The following CEP295 variants were observed in gnomAD, a reference collection of about 807,000 sequenced individuals.
CEP295 encodes centrosomal protein 295.
In CEP295, 190 loss-of-function variants were observed where a neutral mutation model predicts 291.6. The ratio of observed to expected loss-of-function variants is 0.65; its 90% CI spans 0.58 to 0.73. CEP295 has a LOEUF of 0.73. Ranked by LOEUF, CEP295 falls within the 30% of genes least tolerant of loss-of-function variation. CEP295 has a pLI of 0.00. For missense variants in CEP295, 2,863 were observed against 2,949.4 expected (o/e 0.97, Z 0.68); for synonymous variants, 993 against 1,038.8 (o/e 0.96, Z 0.85).
intron 15 of CEP295, among the ~76,000 whole-genome samples, chr11:93,701,636 G>C (rs1952165500): frequency 6.6e-6 from 1 of 152,068 alleles, no homozygotes; most frequent in Non-Finnish European, 1.5e-5. Flanking sequence ...ACGGAGTCTT[G>C]CTCTGTCACC....
At chr11:93,685,367 C>G (rs1951175382) in intron 9 of CEP295, among the ~76,000 whole-genome samples, 1 of 151,792 alleles carries the variant, frequency 6.6e-6, no homozygotes, top group East Asian at 1.9e-4. Flanking sequence ...TTAAAACCAC[C>G]CAGGCTTTCT....
intron 23 of CEP295, 131 bp from the exon 24 acceptor site, chr11:93,726,845 T>C (rs957004948): frequency 9.2e-6 from 6 of 653,574 alleles, no homozygotes; most frequent in Middle Eastern, 2.8e-4. Flanking sequence ...TATTCATGTT[T>C]ATACACATCA....
At chr11:93,692,788 C>G (rs1239856561) in intron 12 of CEP295, among the ~76,000 whole-genome samples, 5 of 151,324 alleles carry the variant, frequency 3.3e-5, no homozygotes, top group Admixed American at 3.3e-4. Context: ...ACCTGGCCAA[C>G]CTGGTGAAAC....
intron 11 of CEP295, 53 bp downstream of exon 11, chr11:93,691,828 T>G (rs1163422109): frequency 7.5e-7 from 1 of 1,333,706 alleles, no homozygotes; most frequent in African/African-American, 1.5e-5. Flanking sequence ...GCATCTTTTT[T>G]TTAAATAAAA....
chr11:93,705,750 G>A (rs557516667), intron 17 of CEP295, among the ~76,000 whole-genome samples: 2 of 151,924 alleles, frequency 1.3e-5, no homozygotes, highest in Non-Finnish European at 2.9e-5. Flanking sequence ...ATATTTGAAC[G>A]GGATGCTAAA....
At chr11:93,709,758 G>C (rs1169380097) in intron 18 of CEP295, among the ~76,000 whole-genome samples, 1 of 152,010 alleles carries the variant, frequency 6.6e-6, no homozygotes, top group Non-Finnish European at 1.5e-5. Flanking sequence ...ATAATGTTGA[G>C]ATTCTTCCAA....
chr11:93,708,385 A>G (rs144422320), intron 18 of CEP295, among the ~76,000 whole-genome samples: 13 of 152,318 alleles, frequency 8.5e-5, no homozygotes, highest in Admixed American at 8.5e-4. Context: ...GTTCCCACAA[A>G]TAAGTGAGAA....
chr11:93,718,073 G>A (rs927029537), intron 18 of CEP295, among the ~76,000 whole-genome samples: 5 of 151,988 alleles, frequency 3.3e-5, no homozygotes, highest in South Asian at 2.1e-4. Flanking sequence ...CACCCCACCC[G>A]GTTAATTTTT....
intron 19 of CEP295, 39 bp downstream of exon 19, chr11:93,721,451 G>A (rs1953705079): frequency 8.2e-7 from 1 of 1,221,950 alleles, no homozygotes; most frequent in Admixed American, 1.7e-5. Context: ...TTTTAGAGCT[G>A]TTTGGCTTCG....
At position 93,697,615 on chromosome 11, in the gene CEP295, T is replaced by A. The variant is rs1462213097; in HGVS notation, c.2703T>A (p.Pro901=). Residue 901 remains proline (P), a synonymous_variant, in exon 15 of 30, where the codon CCT becomes CCA. Transcript: ENST00000325212. The part of the protein sequence containing the change: ...LVTPDSSALL[P]SAKADLGRIQ... ...CTCCAGATTCATCTGCTTTATTGCC[T>A]TCTGCCAAAGCAGATTTGGGGAGAA... 5.2e-6 allele frequency: 8 copies of A among 1,551,764 alleles called. No individual in the cohort carries two copies. Among genetic ancestry groups the A allele is most frequent in the Non-Finnish European group, 7.0e-6 (8 of 1,147,010 alleles).
rs1362506988 is a variant in CEP295 at position 93,695,583 on chromosome 11, C to T, written c.1620C>T (p.Cys540=). Residue 540 remains cysteine (C), a synonymous_variant, in exon 13 of 30, where the codon TGC becomes TGT. Transcript: ENST00000325212. ...EQQKLRLETD[C]FRAQLEEEKR... ...AGAAATTAAGATTAGAAACTGACTG[C>T]TTCAGGGCTCAGCTGGAAGAAGAAA... The T allele has an allele frequency of 6.7e-7, 1 of 1,494,144 alleles. No homozygotes were observed. Among genetic ancestry groups the T allele is most frequent in the Non-Finnish European group, 8.9e-7 (1 of 1,129,470 alleles). 92.6% of individuals were successfully genotyped at this position (1,494,144 alleles called of 1,614,324 possible).
At chr11:93,722,979 A>G (rs1236094857) in intron 20 of CEP295, 62 bp from the exon 21 acceptor site, 14 of 1,403,332 alleles carry the variant, frequency 1.0e-5, no homozygotes, top group African/African-American at 5.8e-5. Flanking sequence ...AAGTGCTGGT[A>G]TTACAGGCGT....
At position 93,697,067 on chromosome 11, in the gene CEP295, C is replaced by T; in HGVS notation, c.2155C>T (p.Gln719Ter). The change falls in exon 15 of 30, where the codon CAA (glutamine) becomes TAA (stop). Residue 719 changes from glutamine to a stop codon, truncating the protein, a stop_gained. Transcript: ENST00000325212. LOFTEE classifies it high-confidence loss of function. ...AAGGCAATTCTCTCAGACTGAAACA[C>T]AACAGAGAGACTATAAATTGGTCCC... ...HLRQFSQTETQQRDYKLVPKD... is the reference protein window; with the variant it reads ...HLRQFSQTET The T allele has an allele frequency of 1.3e-6, 2 of 1,551,604 alleles. No individual in the cohort carries two copies. The highest frequency in any genetic ancestry group is 1.7e-6 in the Non-Finnish European group (2 of 1,146,970).
At chr11:93,716,309 C>G (rs1422851482) in intron 18 of CEP295, among the ~76,000 whole-genome samples, 1 of 152,162 alleles carries the variant, frequency 6.6e-6, no homozygotes, top group Non-Finnish European at 1.5e-5. Flanking sequence ...CTCCTTCCCC[C>G]AAGCATACAG....
At chr11:93,668,746 A>G (rs1170641162) in intron 3 of CEP295, 62 bp from the exon 4 acceptor site, 3 of 1,186,382 alleles carry the variant, frequency 2.5e-6, no homozygotes, top group East Asian at 5.2e-5. Context: ...TTCTGATATC[A>G]TATGAGACAC....
chr11:93,728,592 T>C, intron 24 of CEP295, 89 bp from the exon 25 acceptor site: 1 of 1,186,616 alleles, frequency 8.4e-7, no homozygotes, highest in Non-Finnish European at 1.1e-6. Context: ...TATATACACT[T>C]GCAAAAAATG....
intron 1 of CEP295, among the ~76,000 whole-genome samples, chr11:93,662,164 A>G (rs1033234435): frequency 2.6e-5 from 4 of 152,202 alleles, no homozygotes; most frequent in Non-Finnish European, 4.4e-5. Flanking sequence ...CGTTTCATGC[A>G]AAGAGCACGC....
At position 93,684,010 on chromosome 11, in the gene CEP295, C is replaced by T. The variant is rs753051179; in HGVS notation, c.996C>T (p.Pro332=). ...TGCACCTTGAACCAGAGCCCTTGCC[C>T]ACTGTGACTAATCAGATCCAAGATG... ...LILHLEPEPL[P]TVTNQIQDEE... is the part of the protein sequence containing the mutation. The change falls in exon 9 of 30, where the codon CCC becomes CCT. Residue 332 remains proline (P), a synonymous_variant. Coordinates refer to ENST00000325212, the MANE Select transcript of CEP295 (RefSeq NM_033395.2). 1.9e-6 allele frequency: 3 copies of T among 1,551,640 alleles called. No homozygotes were observed. The highest frequency in any genetic ancestry group is 4.9e-5 in the East Asian group (2 of 40,918).
Position 93,696,400 on chromosome 11 carries a change from G to A in CEP295, c.1752G>A (p.Gln584=), listed in dbSNP as rs1951844534. 6.5e-7 allele frequency: 1 copy of A among 1,544,536 alleles called. No individual in the cohort carries two copies. The highest frequency in any genetic ancestry group is 8.8e-7 in the Non-Finnish European group (1 of 1,140,976). Residue 584 remains glutamine, a synonymous_variant, in exon 14 of 30, where the codon CAG becomes CAA. Coordinates refer to ENST00000325212, the MANE Select transcript of CEP295 (RefSeq NM_033395.2). ...AGATGATTCGTAACTATCAACATCAGCTTTTACAACAAAACAGGTATTAGC... is the reference window on the plus strand; with the variant it reads ...AGATGATTCGTAACTATCAACATCAACTTTTACAACAAAACAGGTATTAGC... ...HRQMIRNYQH[Q]LLQQNRLHRQ...
Sources: gnomAD v4.1 joint callset for allele counts (sites outside exome capture counted in the v4.1 genomes callset) on GRCh38, gnomAD v4.1.1 for gene constraint, MANE v1.5 for transcripts, NCBI Gene and HGNC (gene_info 2026-07-23, HGNC 2026-07-21) for gene names.